TANC2: variants seen among roughly 807,000 people sequenced by gnomAD.
The protein encoded by TANC2 is tetratricopeptide repeat, ankyrin repeat and coiled-coil containing 2.
Under a neutral mutation model 210.5 loss-of-function variants are expected in TANC2, and 26 were observed. The ratio of observed to expected loss-of-function variants is 0.12; its 90% CI spans 0.09 to 0.17. The LOEUF is 0.17. Among genes scored for constraint, TANC2 ranks in the 10% least tolerant of loss-of-function variants. TANC2 has a pLI of 1.00. For synonymous variants in TANC2, 931 were observed against 967.1 expected (o/e 0.96, Z 0.69); for missense variants, 2,129 against 2,608.9 (o/e 0.82, Z 4.01).
intron 1 of TANC2, among the ~76,000 whole-genome samples, chr17:62,978,116 C>G (rs1358371892): frequency 2.0e-5 from 3 of 152,102 alleles, no homozygotes; most frequent in Non-Finnish European, 2.9e-5. Context: ...AAGATTGTTT[C>G]CTTTTTTTGC....
chr17:63,284,080 G>A (rs900521420), intron 9 of TANC2, among the ~76,000 whole-genome samples: 3 of 151,944 alleles, frequency 2.0e-5, no homozygotes, highest in Admixed American at 6.6e-5. Flanking sequence ...CATTAGCTAT[G>A]TCAATATGTT....
intron 5 of TANC2, among the ~76,000 whole-genome samples, chr17:63,157,263 A>C (rs2039871178): frequency 6.6e-6 from 1 of 152,312 alleles, no homozygotes; most frequent in Middle Eastern, 3.4e-3. Context: ...GCATGTCAAG[A>C]GACCATATTT....
At position 63,420,845 on chromosome 17, in the gene TANC2, C is replaced by T. The variant is rs774261446; in HGVS notation, c.5115C>T (p.Ala1705=). Residue 1705 remains alanine (A), a synonymous_variant, in exon 28 of 28, where the codon GCC becomes GCT. Transcript: ENST00000689528. This position sits in a 1 kb window ranked among gnomAD's most constrained non-coding sequence, Gnocchi z 4.2. The stretch of plus-strand genomic sequence containing the variant: ...TGAGAAGTAACCAGCCCAGCCCAGC[C>T]GTCCATTCAAGCACCGTCATCCCCA... 1.7e-5 allele frequency: 28 copies of T among 1,613,910 alleles called. No homozygotes were observed. Among genetic ancestry groups the T allele is most frequent in the Middle Eastern group, 1.6e-4 (1 of 6,084 alleles).
At position 63,418,988 on chromosome 17, in the gene TANC2, T is replaced by G. The variant is rs552480939; in HGVS notation, c.4268+581T>G. Among the ~76,000 whole-genome samples, 3 of 152,260 alleles carry G rather than the reference T, an allele frequency of 2.0e-5. No individual in the cohort carries two copies. The highest frequency in any genetic ancestry group is 7.2e-5 in the African/African-American group (3 of 41,546). ...AGAGGACCCTCTAAGAGAACACCAT[T>G]CCACATTCCTTGTGCCCATCTGCTT... is the stretch of plus-strand genomic sequence containing the variant. On this transcript the variant is annotated intron_variant, in intron 27 of 27. Transcript: ENST00000689528. This position sits in a 1 kb window ranked among gnomAD's most constrained non-coding sequence, Gnocchi z 4.6.
At chr17:63,121,742 T>A (rs1433030604) in intron 4 of TANC2, among the ~76,000 whole-genome samples, 1 of 152,182 alleles carries the variant, frequency 6.6e-6, no homozygotes, top group East Asian at 1.9e-4. Context: ...CTCACCTATA[T>A]GTATTCCCCA....
At chr17:62,992,965 GAA>G (rs1474589424) in intron 1 of TANC2, among the ~76,000 whole-genome samples, 4 of 152,180 alleles carry the variant, frequency 2.6e-5, no homozygotes, top group Non-Finnish European at 5.9e-5. Flanking sequence ...CTCTGGGAGA[GAA>G]TCTGTTTTTT....
intron 4 of TANC2, among the ~76,000 whole-genome samples, chr17:63,131,911 T>C (rs2038932915): frequency 6.6e-6 from 1 of 152,206 alleles, no homozygotes; most frequent in Admixed American, 6.5e-5. Context: ...ATTTTGAGAT[T>C]TTTGTCTTTC....
intron 9 of TANC2, among the ~76,000 whole-genome samples, 186 bp downstream of exon 9, chr17:63,268,059 A>G (rs916554592): frequency 1.3e-5 from 2 of 152,182 alleles, no homozygotes; most frequent in Admixed American, 1.3e-4. Flanking sequence ...AATACATTGT[A>G]CTCCTCATAG....
chr17:63,357,238 C>G (rs1278267376), intron 14 of TANC2, among the ~76,000 whole-genome samples: 1 of 152,190 alleles, frequency 6.6e-6, no homozygotes, highest in Middle Eastern at 3.2e-3. Flanking sequence ...CCTGGGACAT[C>G]TCAGAGGATT....
At chr17:63,358,342 G>A (rs2046837839) in intron 14 of TANC2, among the ~76,000 whole-genome samples, 1 of 150,738 alleles carries the variant, frequency 6.6e-6, no homozygotes, top group African/African-American at 2.5e-5. Context: ...GAGTAACAAG[G>A]TGAGTAGAGT....
intron 8 of TANC2, among the ~76,000 whole-genome samples, chr17:63,258,504 A>G (rs958762652): frequency 2.6e-5 from 4 of 152,058 alleles, no homozygotes; most frequent in Admixed American, 2.6e-4. Context: ...GGAGTCAGGA[A>G]CCTTGAAATC....
intron 11 of TANC2, among the ~76,000 whole-genome samples, chr17:63,337,495 A>G (rs2046072908): frequency 6.6e-6 from 1 of 151,930 alleles, no homozygotes; most frequent in Non-Finnish European, 1.5e-5. Context: ...TATCTTTTCC[A>G]TTTAAGTCTC....
At chr17:63,005,596 CACTT>C (rs201024005) in intron 1 of TANC2, among the ~76,000 whole-genome samples, 2 of 151,756 alleles carry the variant, frequency 1.3e-5, no homozygotes, top group Non-Finnish European at 2.9e-5. Flanking sequence ...GGCTTATCTC[CACTT>C]ACTTAGGTTG....
rs1489519891 is a variant in TANC2, at chr17:63,421,437, T to G, written c.5707T>G (p.Ser1903Ala). The G allele has an allele frequency of 6.2e-7, 1 of 1,613,770 alleles. No homozygotes were observed. Among genetic ancestry groups the G allele is most frequent in the Non-Finnish European group, 8.5e-7 (1 of 1,179,844 alleles). ...CCCACTGAAACCTGCATATGAGAGG[T>G]CATGTGACGAGCTGTCGCCAGTGTC... Residue 1903 changes from serine (S) to alanine (A), a missense_variant, in exon 28 of 28, where the codon TCA becomes GCA. Physicochemically the swap from Ser to Ala is moderately conservative, Grantham distance 99. Transcript: ENST00000689528. This position sits in a 1 kb window ranked among gnomAD's most constrained non-coding sequence, Gnocchi z 6.9.
At chr17:63,411,663 G>A in exon 22 of TANC2, 1 of 1,613,152 alleles carries the variant, frequency 6.2e-7, no homozygotes, top group Non-Finnish European at 8.5e-7. Context: ...GGATCTGGCA[G>A]CTTTCTATGG....
chr17:63,275,400 T>G (rs1395411102), intron 9 of TANC2, among the ~76,000 whole-genome samples: 1 of 152,198 alleles, frequency 6.6e-6, no homozygotes, highest in African/African-American at 2.4e-5. Context: ...CCTGCCACAG[T>G]TAACTTGGTT....
At chr17:63,053,310 C>T (rs1428965697) in intron 2 of TANC2, among the ~76,000 whole-genome samples, 1 of 152,222 alleles carries the variant, frequency 6.6e-6, no homozygotes, top group Non-Finnish European at 1.5e-5. Flanking sequence ...TCACCCCTGC[C>T]ACTCCACAGA....
At chr17:63,369,010 T>C (rs2047188895) in intron 14 of TANC2, among the ~76,000 whole-genome samples, 1 of 152,190 alleles carries the variant, frequency 6.6e-6, no homozygotes, top group African/African-American at 2.4e-5. Flanking sequence ...CTCGTGTTCC[T>C]AGTAGGGCTC....
At chr17:62,985,359 G>A (rs1468817900) in intron 1 of TANC2, among the ~76,000 whole-genome samples, 1 of 151,514 alleles carries the variant, frequency 6.6e-6, no homozygotes, top group South Asian at 2.1e-4. Context: ...AGACCTCTTC[G>A]GCTTGAATCT....
Sources: allele counts gnomAD v4.1 joint callset (sites outside exome capture counted in the v4.1 genomes callset), GRCh38; gene constraint gnomAD v4.1.1; non-coding constraint Gnocchi (gnomAD v3.1); transcripts MANE v1.5; gene names NCBI Gene and HGNC (gene_info 2026-07-23, HGNC 2026-07-21).